GALNT13: variants seen among roughly 807,000 people sequenced by gnomAD.
The protein encoded by GALNT13 is UDP-GalNAc:polypeptide N-acetylgalactosaminyltransferase 13.
GALNT13 carries 28 observed loss-of-function variants against 64.2 expected under a neutral mutation model. The observed-to-expected ratio is 0.44, with a 90% CI of 0.32 to 0.60. The LOEUF is 0.60. GALNT13 is among the 20% of genes least tolerant of loss of function. The pLI is 0.05. For synonymous variants in GALNT13, 214 were observed against 224.6 expected (o/e 0.95, Z 0.42); for missense variants, 577 against 669.8 (o/e 0.86, Z 1.53).
chr2:153,639,278 C>A, the GALNT13 span, among the ~76,000 whole-genome samples: 6 of 151,874 alleles, frequency 4.0e-5, no homozygotes, highest in Non-Finnish European at 5.9e-5. Flanking sequence ...AGTTAAAGAA[C>A]AAAATGGGTG....
chr2:153,690,734 T>C, the GALNT13 span, among the ~76,000 whole-genome samples: 5 of 152,134 alleles, frequency 3.3e-5, no homozygotes, highest in South Asian at 1.0e-3. Context: ...AAATCTCTCA[T>C]GGTGTTGTGG....
At chr2:153,437,353 A>G in the GALNT13 span, among the ~76,000 whole-genome samples, 2 of 152,158 alleles carry the variant, frequency 1.3e-5, no homozygotes. Flanking sequence ...CACTTGGTGC[A>G]GAGCTGAGTT....
the GALNT13 span, among the ~76,000 whole-genome samples, chr2:153,857,800 C>A: frequency 6.6e-6 from 1 of 152,042 alleles, no homozygotes; most frequent in Non-Finnish European, 1.5e-5. Flanking sequence ...GGTATGTGAT[C>A]CTGAGCAAAC....
chr2:153,595,999 C>G, the GALNT13 span, among the ~76,000 whole-genome samples: 1 of 152,084 alleles, frequency 6.6e-6, no homozygotes, highest in African/African-American at 2.4e-5. Flanking sequence ...ATTTCTTCAC[C>G]CAGGTAAGAT....
At chr2:153,453,826 T>G in the GALNT13 span, among the ~76,000 whole-genome samples, 11 of 152,278 alleles carry the variant, frequency 7.2e-5, no homozygotes, top group East Asian at 2.1e-3. Context: ...CATATGTTCA[T>G]CACAGGACTA....
At chr2:153,698,999 C>T in the GALNT13 span, among the ~76,000 whole-genome samples, 8 of 152,138 alleles carry the variant, frequency 5.3e-5, no homozygotes, top group South Asian at 4.1e-4. Context: ...CCAAGGCAGG[C>T]GGATCACGAG....
intron 9 of GALNT13, among the ~76,000 whole-genome samples, chr2:154,367,289 C>T (rs1224603812): frequency 6.6e-6 from 1 of 152,040 alleles, no homozygotes; most frequent in Admixed American, 6.6e-5. Flanking sequence ...TGGATGATAA[C>T]TTTGTCAATC....
At chr2:154,218,149 G>C (rs1393371139) in intron 4 of GALNT13, among the ~76,000 whole-genome samples, 1 of 152,118 alleles carries the variant, frequency 6.6e-6, no homozygotes, top group Non-Finnish European at 1.5e-5. Flanking sequence ...GTAGTTAAGT[G>C]AACCCAGAGA....
At chr2:153,924,922 T>A (rs1016046010) in intron 2 of GALNT13, among the ~76,000 whole-genome samples, 24 of 152,268 alleles carry the variant, frequency 1.6e-4, no homozygotes, top group African/African-American at 5.8e-4. Context: ...GGCTTGTAAA[T>A]TTGCTTAAGT....
chr2:153,561,641 C>CTGTGTG, the GALNT13 span, among the ~76,000 whole-genome samples: 191 of 146,572 alleles, frequency 1.3e-3, 1 homozygote, highest in African/African-American at 4.0e-3. Context: ...GATGTTCAAC[C>CTGTGTG]TGTGTGTGTG....
chr2:154,030,321 G>A (rs1006999459), intron 3 of GALNT13, among the ~76,000 whole-genome samples: 12 of 152,214 alleles, frequency 7.9e-5, no homozygotes, highest in South Asian at 2.1e-4. Context: ...ATTATGTACA[G>A]TGGACTTGTT....
intron 3 of GALNT13, among the ~76,000 whole-genome samples, chr2:154,026,223 C>G (rs1820295): frequency 0.77 from 116,385 of 152,128 alleles, 44,903 homozygotes; most frequent in East Asian, 0.96. Flanking sequence ...GAGAGATTAA[C>G]TTATGGCTAT....
At chr2:153,503,823 C>T in the GALNT13 span, among the ~76,000 whole-genome samples, 1 of 152,168 alleles carries the variant, frequency 6.6e-6, no homozygotes, top group African/African-American at 2.4e-5. Flanking sequence ...TAATGTGATG[C>T]CTCCAGATTT....
At chr2:153,087,269 T>G in the GALNT13 span, among the ~76,000 whole-genome samples, 1 of 152,314 alleles carries the variant, frequency 6.6e-6, no homozygotes, top group South Asian at 2.1e-4. Flanking sequence ...TCTGATTATG[T>G]GATCTATCAT....
the GALNT13 span, among the ~76,000 whole-genome samples, chr2:153,581,571 G>A: frequency 6.6e-6 from 1 of 151,928 alleles, no homozygotes; most frequent in African/African-American, 2.4e-5. Context: ...ATTTGTGTTT[G>A]CCTATTTTAT....
rs542459820 is a variant in GALNT13 at position 154,024,054 on chromosome 2, C to T, written c.142+79415C>T. On this transcript the variant is annotated intron_variant, in intron 3 of 12. Coordinates refer to ENST00000392825, the MANE Select transcript of GALNT13 (RefSeq NM_052917.4). ...CTCTTCTGGCTTGTAGAGTTTCTGC[C>T]GAGAGATCAGCTGTTAGTCTGATGG... Among the ~76,000 whole-genome samples, 892 of 152,184 alleles carry T rather than the reference C, an allele frequency of 5.9e-3. 4 individuals are homozygous for T. The highest frequency in any genetic ancestry group is 0.02 in the African/African-American group (821 of 41,498).
At chr2:153,976,262 CAATT>C (rs10569766) in intron 3 of GALNT13, among the ~76,000 whole-genome samples, 9,293 of 152,034 alleles carry the variant, frequency 0.061, 580 homozygotes, top group African/African-American at 0.16. Flanking sequence ...AATAATCAAT[CAATT>C]AATTAATTAA....
At chr2:153,922,205 G>A (rs1288212524) in intron 2 of GALNT13, among the ~76,000 whole-genome samples, 1 of 152,052 alleles carries the variant, frequency 6.6e-6, no homozygotes, top group African/African-American at 2.4e-5. Context: ...TTTGCAGGAA[G>A]GGGAGTCATA....
At chr2:154,038,462 T>A (rs1020770629) in intron 3 of GALNT13, among the ~76,000 whole-genome samples, 1 of 152,094 alleles carries the variant, frequency 6.6e-6, no homozygotes, top group Non-Finnish European at 1.5e-5. Context: ...TATAAATTCA[T>A]GCATTTATAG....
Sources: allele counts gnomAD v4.1 joint callset (sites outside exome capture counted in the v4.1 genomes callset), GRCh38; gene constraint gnomAD v4.1.1; transcripts MANE v1.5; gene names NCBI Gene and HGNC (gene_info 2026-07-23, HGNC 2026-07-21).